The following SORBS3 variants were observed in gnomAD, a reference collection of about 807,000 sequenced individuals.
The protein encoded by SORBS3 is sorbin and SH3 domain containing 3.
A neutral mutation model predicts 98.0 loss-of-function variants in SORBS3; 69 were observed. The observed-to-expected ratio is 0.70, with a 90% CI of 0.58 to 0.86. The LOEUF is 0.86. Among genes scored for constraint, SORBS3 ranks in the 40% least tolerant of loss-of-function variants. The probability of loss-of-function intolerance (pLI) is 0.00; values close to 1 mark genes in which losing one functional copy is unlikely to be tolerated. For missense variants in SORBS3, 954 were observed against 908.5 expected, an observed-to-expected ratio of 1.05 and a Z score of -0.64; for synonymous variants, 394 against 355.4, an observed-to-expected ratio of 1.11 and a Z score of -1.22.
chr8:22,547,848 C>T (rs918025188), upstream of SORBS3, among the ~76,000 whole-genome samples: 1 of 152,092 alleles, frequency 6.6e-6, no homozygotes, highest in Non-Finnish European at 1.5e-5. Flanking sequence ...AGAGAACAGC[C>T]GTGGATGTGA....
chr8:22,564,179 C>T (rs987662930), intron 8 of SORBS3, 102 bp downstream of exon 8: 25 of 1,487,804 alleles, frequency 1.7e-5, no homozygotes, highest in African/African-American at 5.6e-5. Flanking sequence ...TGGAGGACAC[C>T]GTGGGCCCAG....
chr8:22,565,204 T>C, intron 10 of SORBS3, 64 bp from the exon 11 acceptor site: 1 of 1,496,410 alleles, frequency 6.7e-7, no homozygotes. Flanking sequence ...AGTCGATCTT[T>C]GACCGCTGCC....
rs1397802060 is a variant in SORBS3, at chr8:22,556,743, C to A, written c.249C>A (p.Gly83=). Residue 83 remains glycine (G), a synonymous_variant, in exon 4 of 21, where the codon GGC becomes GGA. Transcript: ENST00000240123. ...PDPAWYQTWP[G]PGSKPSASTK... ...CTGCGTGGTATCAGACCTGGCCAGGCCCTGGGAGCAAGCCCTCTGCAAGCA... is the reference window on the plus strand; with the variant it reads ...CTGCGTGGTATCAGACCTGGCCAGGACCTGGGAGCAAGCCCTCTGCAAGCA... 4.3e-6 allele frequency: 7 copies of A among 1,613,706 alleles called. No homozygotes were observed. Among genetic ancestry groups the A allele is most frequent in the Non-Finnish European group, 5.9e-6 (7 of 1,180,046 alleles).
rs199579480 is a variant in SORBS3, at chr8:22,570,927, G to A, written c.1449G>A (p.Leu483=). The part of the protein sequence containing the change: ...LSFRKGEHIC[L]IRKVNENWYE... Reference sequence around the variant, plus strand: ...CCCCTCAGGGAGAGCACATCTGCCTGATCCGCAAGGTGAACGAGAACTGGT... The same window carrying A: ...CCCCTCAGGGAGAGCACATCTGCCTAATCCGCAAGGTGAACGAGAACTGGT... The change falls in exon 18 of 21, where the codon CTG becomes CTA. Residue 483 remains leucine, a synonymous_variant. Coordinates refer to ENST00000240123, the MANE Select transcript of SORBS3 (RefSeq NM_005775.5). 2.2e-4 allele frequency: 360 copies of A among 1,604,416 alleles called. 2 individuals are homozygous for A. In the East Asian group the frequency reaches 8.1e-3, roughly 36 times the overall value.
intron 4 of SORBS3, among the ~76,000 whole-genome samples, chr8:22,557,785 C>T (rs1008162711): frequency 1.3e-5 from 2 of 152,214 alleles, no homozygotes; most frequent in Non-Finnish European, 2.9e-5. Context: ...TGCACTCCAG[C>T]CTGTGTGACA....
rs1840683854 is a variant in SORBS3 at position 22,574,705 on chromosome 8, G to A, written c.1993G>A (p.Gly665Arg). 6.2e-7 allele frequency: 1 copy of A among 1,611,342 alleles called. No individual in the cohort carries two copies. The highest frequency in any genetic ancestry group is 2.2e-5 in the East Asian group (1 of 44,838). ...RRTQKFGTFP[G>R]NYVAPV ...GACCCAGAAATTCGGAACGTTCCCTGGAAATTACGTTGCCCCGGTGTGAGT... is the reference window on the plus strand; with the variant it reads ...GACCCAGAAATTCGGAACGTTCCCTAGAAATTACGTTGCCCCGGTGTGAGT... Residue 665 changes from glycine to arginine, a missense_variant, in exon 21 of 21, where the codon GGA (glycine) becomes AGA (arginine). Transcript: ENST00000240123.
chr8:22,552,023 G>C lies in SORBS3; in HGVS notation c.-56+1G>C. On this transcript the variant is annotated splice_donor_variant, in intron 1 of 20. Coordinates refer to ENST00000240123, the MANE Select transcript of SORBS3 (RefSeq NM_005775.5). LOFTEE classifies it low-confidence loss of function (5UTR_SPLICE). ...CCCAGCCACCTGCTCGCCGGGGAAG[G>C]TAGGTCCGGGCAAGGAGGGGCGGGG... is the stretch of plus-strand genomic sequence containing the variant. 2 of 985,462 alleles carry C rather than the reference G, an allele frequency of 2.0e-6. No individual in the cohort carries two copies. The highest frequency in any genetic ancestry group is 2.4e-6 in the Non-Finnish European group (2 of 829,966). 61.0% of individuals were successfully genotyped at this position (985,462 alleles called of 1,614,324 possible).
intron 15 of SORBS3, 85 bp from the exon 16 acceptor site, chr8:22,566,976 A>T (rs11779261): frequency 6.5e-7 from 1 of 1,539,474 alleles, no homozygotes; most frequent in Non-Finnish European, 8.9e-7. Flanking sequence ...GGGGTGAGAG[A>T]ACTGGGGTGT....
chr8:22,549,488 G>A (rs996191928), upstream of SORBS3, among the ~76,000 whole-genome samples: 2 of 152,184 alleles, frequency 1.3e-5, no homozygotes, highest in African/African-American at 4.8e-5. Context: ...ACTTTTCAAA[G>A]AGAAGGAATT....
chr8:22,548,644 G>T (rs1323099829), upstream of SORBS3, among the ~76,000 whole-genome samples: 2 of 152,276 alleles, frequency 1.3e-5, no homozygotes, highest in East Asian at 3.9e-4. Context: ...GGGTACTGAG[G>T]CACAGAGCTA....
intron 1 of SORBS3, among the ~76,000 whole-genome samples, chr8:22,552,280 G>A (rs1482764239): frequency 1.3e-5 from 2 of 152,096 alleles, no homozygotes; most frequent in Non-Finnish European, 2.9e-5. Flanking sequence ...AGAGCAGGGA[G>A]GCCAGTGCCC....
At chr8:22,555,611 G>A (rs1276945955) in intron 3 of SORBS3, among the ~76,000 whole-genome samples, 2 of 151,984 alleles carry the variant, frequency 1.3e-5, no homozygotes, top group African/African-American at 4.8e-5. Context: ...CACACACTGA[G>A]AGGCTGAGGT....
chr8:22,558,056 G>A (rs1430716055), intron 4 of SORBS3, 73 bp from the exon 5 acceptor site: 5 of 1,495,436 alleles, frequency 3.3e-6, no homozygotes, highest in South Asian at 1.1e-5. Context: ...ACTCACTAGG[G>A]AAAGATTTTT....
chr8:22,550,597 G>A (rs993061330), upstream of SORBS3, among the ~76,000 whole-genome samples: 1 of 152,178 alleles, frequency 6.6e-6, no homozygotes, highest in Non-Finnish European at 1.5e-5. Flanking sequence ...TTACCAGAAC[G>A]AGGGAGAAGA....
intron 10 of SORBS3, 108 bp from the exon 11 acceptor site, chr8:22,565,160 T>TA: frequency 4.1e-6 from 6 of 1,480,426 alleles, no homozygotes; most frequent in South Asian, 1.3e-5. Flanking sequence ...GGCCTGCCCT[T>TA]ACGCCGGCCC....
chr8:22,569,368 T>C, intron 17 of SORBS3, 95 bp downstream of exon 17: 1 of 1,095,538 alleles, frequency 9.1e-7, no homozygotes, highest in Non-Finnish European at 1.2e-6. Context: ...TGAGACAGAG[T>C]CTCACTCTAT....
At chr8:22,561,771 C>T in intron 6 of SORBS3, 94 bp from the exon 7 acceptor site, 1 of 1,165,538 alleles carries the variant, frequency 8.6e-7, no homozygotes, top group Non-Finnish European at 1.3e-6. Context: ...GGGGGTGGTG[C>T]TGAAACTCTA....
intron 5 of SORBS3, 25 bp from the exon 6 acceptor site, chr8:22,561,310 G>C (rs537694362): frequency 2.5e-6 from 4 of 1,575,370 alleles, no homozygotes; most frequent in Non-Finnish European, 2.6e-6. Context: ...CCCGTCCCAT[G>C]ACCTGGTCCC....
Position 22,574,887 on chromosome 8 carries a change from G to A in SORBS3, c.*159G>A. On this transcript the variant is annotated 3_prime_UTR_variant, in exon 21 of 21. Coordinates refer to ENST00000240123, the MANE Select transcript of SORBS3 (RefSeq NM_005775.5). ...GCCTTTCCCTCGGACCCCCCTCGAA[G>A]CCCCCTGGACTGATTCCCACCCACG... 1 of 716,870 alleles carries A rather than the reference G, an allele frequency of 1.4e-6. No homozygotes were observed. Among genetic ancestry groups the A allele is most frequent in the Non-Finnish European group, 2.5e-6 (1 of 400,774 alleles). 44.4% of individuals were successfully genotyped at this position (716,870 alleles called of 1,614,324 possible).
Sources: gnomAD v4.1 joint callset for allele counts (sites outside exome capture counted in the v4.1 genomes callset) on GRCh38, gnomAD v4.1.1 for gene constraint, MANE v1.5 for transcripts, NCBI Gene and HGNC (gene_info 2026-07-23, HGNC 2026-07-21) for gene names.